The following STAC3 variants were observed in gnomAD, a reference collection of about 807,000 sequenced individuals.
STAC3 encodes SH3 and cysteine rich domain 3.
A neutral mutation model predicts 48.5 loss-of-function variants in STAC3; 30 were observed. The observed-to-expected ratio is 0.62, with a 90% CI of 0.46 to 0.84. The LOEUF (loss-of-function observed/expected upper bound fraction) is 0.84. Ranked by LOEUF, STAC3 falls within the 40% of genes least tolerant of loss-of-function variation. The probability of loss-of-function intolerance (pLI) is 0.00; values close to 1 mark genes in which losing one functional copy is unlikely to be tolerated. For missense variants in STAC3, 419 were observed against 462.6 expected (o/e 0.91, Z 0.86); for synonymous variants, 144 against 158.6 (o/e 0.91, Z 0.69).
chr12:57,249,747 A>G (rs2037856914), intron 1 of STAC3, 110 bp from the exon 2 acceptor site: 2 of 1,196,150 alleles, frequency 1.7e-6, no homozygotes, highest in South Asian at 2.6e-5. Flanking sequence ...GAGAAATGTG[A>G]TGAGAGATTT....
intron 1 of STAC3, among the ~76,000 whole-genome samples, chr12:57,249,952 G>A (rs2037863432): frequency 6.6e-6 from 1 of 152,110 alleles, no homozygotes; most frequent in African/African-American, 2.4e-5. Context: ...GTCTTGCTTT[G>A]TTGCCTAGGC....
At chr12:57,247,978 C>T in intron 5 of STAC3, 148 bp downstream of exon 5, 3 of 752,636 alleles carry the variant, frequency 4.0e-6, no homozygotes, top group East Asian at 2.5e-5. Flanking sequence ...ATTGCCTCTG[C>T]ATCCAAATGG....
chr12:57,247,427 TA>T (rs1344463008), intron 5 of STAC3, among the ~76,000 whole-genome samples: 532 of 44,642 alleles, frequency 0.012, 6 homozygotes, highest in East Asian at 0.061. Context: ...TTATTATTAT[TA>T]TTTTTTTTTT....
chr12:57,245,345 T>C (rs2037711057), intron 6 of STAC3, 134 bp from the exon 7 acceptor site: 8 of 782,414 alleles, frequency 1.0e-5, no homozygotes, highest in Admixed American at 5.6e-5. Flanking sequence ...GGAGGAAATA[T>C]CTAGTTCAGC....
rs749075584 is a variant in STAC3, at chr12:57,244,897, AG to A, written c.720+18del. Reference sequence around the variant, plus strand: ...TTGGGGAGAGAACTGGGTTCCTTGCAGGGAGGAAGGATTCTTACCTTGTCAT... The same window carrying A: ...TTGGGGAGAGAACTGGGTTCCTTGCAGGAGGAAGGATTCTTACCTTGTCAT... On this transcript the variant is annotated intron_variant, in intron 8 of 11. Coordinates refer to ENST00000332782, the MANE Select transcript of STAC3 (RefSeq NM_145064.3). 9.9e-6 allele frequency: 16 copies of A among 1,614,002 alleles called. No homozygotes were observed. The African/African-American group carries it at 1.2e-4, about 12-fold the overall frequency.
At chr12:57,245,312 A>G in intron 6 of STAC3, 101 bp from the exon 7 acceptor site, 1 of 1,075,526 alleles carries the variant, frequency 9.3e-7, no homozygotes, top group Non-Finnish European at 1.4e-6. Context: ...GATCTCAGAG[A>G]TCTCAGAGTT....
Position 57,244,958 on chromosome 12 carries a change from A to G in STAC3, c.678T>C (p.Pro226=), listed in dbSNP as rs2037698048. The change falls in exon 8 of 12, where the codon CCT becomes CCC. Residue 226 remains proline, a synonymous_variant. Coordinates refer to ENST00000332782, the MANE Select transcript of STAC3 (RefSeq NM_145064.3). ...TCTTCTCAGCCTTCTTATCCCCTTC[A>G]GGGTTTCCTGGGATAGGAAACACCA... ...PEEGKPQDGN[P]EGDKKAEKKT... The G allele has an allele frequency of 6.2e-7, 1 of 1,614,136 alleles. No homozygotes were observed. The highest frequency in any genetic ancestry group is 8.5e-7 in the Non-Finnish European group (1 of 1,180,022).
chr12:57,243,477 A>T lies in STAC3; in HGVS notation c.*335T>A. On this transcript the variant is annotated 3_prime_UTR_variant, in exon 12 of 12. Transcript: ENST00000332782. Reference sequence around the variant, plus strand: ...CTTTTCTAAGTTTTGTCAAAAGTTTAATAAATTCGCAACATTCGACAGTTC... The same window carrying T: ...CTTTTCTAAGTTTTGTCAAAAGTTTTATAAATTCGCAACATTCGACAGTTC... 1.9e-6 allele frequency: 1 copy of T among 534,046 alleles called. No homozygotes were observed. The highest frequency in any genetic ancestry group is 5.1e-4 in the Middle Eastern group (1 of 1,966). The allele number at this position is 534,046 out of a possible 1,614,324, so 33.1% of individuals were successfully genotyped here.
At chr12:57,248,036 C>G in intron 5 of STAC3, 90 bp downstream of exon 5, 2 of 1,172,962 alleles carry the variant, frequency 1.7e-6, no homozygotes, top group Non-Finnish European at 2.6e-6. Context: ...CAGAAAGTTT[C>G]TGTTTCAGAA....
chr12:57,249,840 C>T (rs2037859165), intron 1 of STAC3: 3 of 522,170 alleles, frequency 5.7e-6, no homozygotes, highest in Non-Finnish European at 6.9e-6. Flanking sequence ...ACTGCAGCCT[C>T]GACCTCCCAG....
At chr12:57,250,416 A>C (rs928565458) in intron 1 of STAC3, among the ~76,000 whole-genome samples, 1 of 137,826 alleles carries the variant, frequency 7.3e-6, no homozygotes, top group Non-Finnish European at 1.6e-5. Context: ...AAAAAAAAAA[A>C]GCCCAACAGA....
chr12:57,248,020 G>T, intron 5 of STAC3, 106 bp downstream of exon 5: 1 of 1,018,854 alleles, frequency 9.8e-7, no homozygotes, highest in Non-Finnish European at 1.6e-6. Context: ...GGAGAATTAT[G>T]GGAAACAGAA....
chr12:57,248,283 C>CAGAAAAAGAGATGGGCTGAGAA (rs1241742244), intron 4 of STAC3, 85 bp from the exon 5 acceptor site: 3 of 1,111,700 alleles, frequency 2.7e-6, no homozygotes, highest in Non-Finnish European at 4.1e-6. Context: ...CACCCTTTCT[C>CAGAAAAAGAGATGGGCTGAGAA]AGAAAAAGAG....
rs143904997 is a variant in STAC3 at position 57,244,894 on chromosome 12, T to C, written c.720+22A>G. Reference sequence around the variant, plus strand: ...GGGTTGGGGAGAGAACTGGGTTCCTTGCAGGGAGGAAGGATTCTTACCTTG... The same window carrying C: ...GGGTTGGGGAGAGAACTGGGTTCCTCGCAGGGAGGAAGGATTCTTACCTTG... On this transcript the variant is annotated intron_variant, in intron 8 of 11. Coordinates refer to ENST00000332782, the MANE Select transcript of STAC3 (RefSeq NM_145064.3). 432 of 1,614,030 alleles carry C rather than the reference T, an allele frequency of 2.7e-4. 7 individuals carry two copies. In the African/African-American group the frequency reaches 4.6e-3, roughly 17 times the overall value.
Position 57,244,519 on chromosome 12 carries a change from T to C in STAC3, c.806+18A>G. On this transcript the variant is annotated intron_variant, in intron 9 of 11. Transcript: ENST00000332782. Reference sequence around the variant, plus strand: ...TCTTCACTCCGCAGTACCAGCCCCCTGCCCCAAGGCCTCTCACGGGAAATC... The same window carrying C: ...TCTTCACTCCGCAGTACCAGCCCCCCGCCCCAAGGCCTCTCACGGGAAATC... The C allele has an allele frequency of 6.2e-7, 1 of 1,614,108 alleles. No homozygotes were observed. Among genetic ancestry groups the C allele is most frequent in the East Asian group, 2.2e-5 (1 of 44,884 alleles).
chr12:57,246,893 T>C lies in STAC3; in HGVS notation c.514A>G (p.Asn172Asp). The change falls in exon 6 of 12, where the codon AAT becomes GAT. Residue 172 changes from asparagine (N) to aspartate (D), a missense_variant. Asn to Asp is a conservative substitution (Grantham distance 23). Transcript: ENST00000332782. ...YACVKDLSAA[N>D]RNDPVFETLR... Reference sequence around the variant, plus strand: ...GTTTCAAACACAGGATCATTGCGATTGGCAGCAGCTAATCGAATGGGAGGA... The same window carrying C: ...GTTTCAAACACAGGATCATTGCGATCGGCAGCAGCTAATCGAATGGGAGGA... 1 of 1,613,682 alleles carries C rather than the reference T, an allele frequency of 6.2e-7. No individual in the cohort carries two copies. The highest frequency in any genetic ancestry group is 8.5e-7 in the Non-Finnish European group (1 of 1,179,706).
intron 5 of STAC3, among the ~76,000 whole-genome samples, 157 bp downstream of exon 5, chr12:57,247,969 T>C (rs1022978447): frequency 2.6e-5 from 4 of 152,170 alleles, no homozygotes; most frequent in Admixed American, 6.5e-5. Context: ...AATGGGGATA[T>C]TGCCTCTGCA....
chr12:57,246,850 A>G lies in STAC3; in HGVS notation c.557T>C (p.Ile186Thr). The change falls in exon 6 of 12, where the codon ATC (isoleucine) becomes ACC (threonine). Residue 186 changes from isoleucine to threonine, a missense_variant. By Grantham distance (89) the Ile-to-Thr change is moderately conservative (BLOSUM62 -1). Transcript: ENST00000332782. The stretch of plus-strand genomic sequence containing the variant: ...CTTCTTCCGTTCCTTGTTTGCCATG[A>G]TCACCCCAGTGCGCAGGGTTTCAAA... ...PVFETLRTGVIMANKERKKGQ... is the reference protein window; with the variant it reads ...PVFETLRTGVTMANKERKKGQ... The G allele has an allele frequency of 6.2e-7, 1 of 1,614,008 alleles. No individual in the cohort carries two copies.
chr12:57,249,755 T>C, intron 1 of STAC3, 118 bp from the exon 2 acceptor site: 1 of 1,119,194 alleles, frequency 8.9e-7, no homozygotes. Flanking sequence ...TGATGAGAGA[T>C]TTTGCTGTTG....
Sources: allele counts gnomAD v4.1 joint callset (sites outside exome capture counted in the v4.1 genomes callset), GRCh38; gene constraint gnomAD v4.1.1; transcripts MANE v1.5; gene names NCBI Gene and HGNC (gene_info 2026-07-23, HGNC 2026-07-21).